Variants in INTS3 observed in about 807,000 individuals in gnomAD.
The protein encoded by INTS3 is SOSS complex subunit A.
INTS3 carries 34 observed loss-of-function variants against 146.3 expected under a neutral mutation model. The observed-to-expected ratio is 0.23, with a 90% CI of 0.18 to 0.31. INTS3 has a LOEUF of 0.31. INTS3 is among the 10% of genes least tolerant of loss of function. The probability of loss-of-function intolerance (pLI) is 1.00; values close to 1 mark genes in which losing one functional copy is unlikely to be tolerated. For missense variants in INTS3, 757 were observed against 1,304.2 expected (o/e 0.58, Z 6.46); for synonymous variants, 475 against 494.9 (o/e 0.96, Z 0.53).
At chr1:153,762,891 G>C in intron 15 of INTS3, 44 bp downstream of exon 15, 1 of 1,608,358 alleles carries the variant, frequency 6.2e-7, no homozygotes. Context: ...TGTCAGCCCT[G>C]AGAGGACCAG....
rs1670941847 is a variant in INTS3 at position 153,728,464 on chromosome 1, G to C, written c.-171G>C. 2 of 750,404 alleles carry C rather than the reference G, an allele frequency of 2.7e-6. No individual in the cohort carries two copies. The highest frequency in any genetic ancestry group is 3.7e-5 in the African/African-American group (2 of 53,946). The allele number at this position is 750,404 out of a possible 1,614,324, so 46.5% of individuals were successfully genotyped here. A position where few individuals can be genotyped will look rare whatever the true frequency, so the allele number is the denominator to read the frequency against. On this transcript the variant is annotated 5_prime_UTR_variant, in exon 1 of 30. Transcript: ENST00000318967. ...AGAGGACTGTGCCTTCGCCCCCAAC[G>C]CAGGCGCGGCCTTTTGGAGAGGAGG... is the stretch of plus-strand genomic sequence containing the variant.
chr1:153,768,804 C>G (rs1464921515), intron 21 of INTS3, 89 bp from the exon 22 acceptor site: 1 of 1,023,198 alleles, frequency 9.8e-7, no homozygotes, highest in Non-Finnish European at 1.5e-6. Context: ...CCCAGTCAAA[C>G]CTTGAGATGT....
intron 1 of INTS3, among the ~76,000 whole-genome samples, chr1:153,733,824 C>T (rs1260708277): frequency 1.3e-5 from 2 of 151,800 alleles, no homozygotes; most frequent in Non-Finnish European, 2.9e-5. Flanking sequence ...AGGCTGCTCT[C>T]GATCTCCTAA....
intron 3 of INTS3, among the ~76,000 whole-genome samples, chr1:153,746,090 CA>C (rs940199146): frequency 2.0e-5 from 3 of 152,066 alleles, no homozygotes; most frequent in African/African-American, 7.2e-5. Context: ...ACTAAAAATT[CA>C]AAAAAATATC....
At chr1:153,762,990 A>G (rs1456851105) in intron 15 of INTS3, 143 bp downstream of exon 15, 1 of 1,164,630 alleles carries the variant, frequency 8.6e-7, no homozygotes, top group African/African-American at 1.5e-5. Context: ...ATGAGACTCC[A>G]GAATGCAGAG....
rs541332000 is a variant in INTS3 at position 153,751,090 on chromosome 1, T to G, written c.585-5T>G. On this transcript the variant is annotated splice_polypyrimidine_tract_variant and splice_region_variant and intron_variant, in intron 6 of 29. Coordinates refer to ENST00000318967, the MANE Select transcript of INTS3 (RefSeq NM_023015.5). ...CATAGGAGCCAGTGTGTTTCCTCCC[T>G]GCAGGGAGTGGGTCCTGAAGAGCAG... 5 of 1,614,064 alleles carry G rather than the reference T, an allele frequency of 3.1e-6. No homozygotes were observed. The highest frequency in any genetic ancestry group is 2.7e-5 in the African/African-American group (2 of 75,056).
rs1672347347 is a variant in INTS3, at chr1:153,760,572, C to T, written c.1317+182C>T. 4 of 630,674 alleles carry T rather than the reference C, an allele frequency of 6.3e-6. No homozygotes were observed. In the South Asian group the frequency reaches 7.8e-5, roughly 12 times the overall value. 39.1% of individuals were successfully genotyped at this position (630,674 alleles called of 1,614,324 possible). A position where few individuals can be genotyped will look rare whatever the true frequency, so the allele number is the denominator to read the frequency against. On this transcript the variant is annotated intron_variant, in intron 12 of 29. Transcript: ENST00000318967. Reference sequence around the variant, plus strand: ...CATATTCCACTGTCTGCACTTGGATCTTCCCATTTTCTGTGGGGTTTCTCA... The same window carrying T: ...CATATTCCACTGTCTGCACTTGGATTTTCCCATTTTCTGTGGGGTTTCTCA...
At chr1:153,760,569 G>T in intron 12 of INTS3, 179 bp downstream of exon 12, 1 of 631,138 alleles carries the variant, frequency 1.6e-6, no homozygotes, top group South Asian at 2.0e-5. Flanking sequence ...TCTGCACTTG[G>T]ATCTTCCCAT....
chr1:153,731,776 A>G (rs1292744288), intron 1 of INTS3, among the ~76,000 whole-genome samples: 2 of 149,996 alleles, frequency 1.3e-5, no homozygotes, highest in Non-Finnish European at 3.0e-5. Context: ...TAGTAGAGAC[A>G]GGGTTTCACC....
At chr1:153,763,020 G>C (rs1672442313) in intron 15 of INTS3, among the ~76,000 whole-genome samples, 173 bp downstream of exon 15, 1 of 152,172 alleles carries the variant, frequency 6.6e-6, no homozygotes. Context: ...TAACACTCAA[G>C]GCAGGAAGGA....
intron 1 of INTS3, among the ~76,000 whole-genome samples, chr1:153,732,738 G>A (rs1343071497): frequency 2.0e-5 from 3 of 151,750 alleles, no homozygotes; most frequent in Non-Finnish European, 2.9e-5. Context: ...GTGAGTCACT[G>A]TGCCTGGCCA....
chr1:153,742,507 T>TGTGTGTGTGTGTGTGTGTGTGTGC (rs1297466558), intron 3 of INTS3, among the ~76,000 whole-genome samples: 5 of 144,834 alleles, frequency 3.5e-5, no homozygotes, highest in African/African-American at 7.5e-5. Flanking sequence ...TGTGTGTGTG[T>TGTGTGTGTGTGTGTGTGTGTGTGC]GCGTGCGCAT....
chr1:153,730,273 C>T (rs375681311), intron 1 of INTS3, among the ~76,000 whole-genome samples: 30 of 152,276 alleles, frequency 2.0e-4, no homozygotes, highest in African/African-American at 7.0e-4. Context: ...CTGTAGTTAT[C>T]AGCTAAGGTA....
At position 153,751,135 on chromosome 1, in the gene INTS3, G is replaced by A. The variant is rs1301742929; in HGVS notation, c.625G>A (p.Val209Ile). Residue 209 changes from valine (V) to isoleucine (I), a missense_variant, in exon 7 of 30, where the codon GTT becomes ATT. This residue lies in a region of INTS3 where 134 missense variants were observed against 243.1 expected (regional missense o/e 0.55). Coordinates refer to ENST00000318967, the MANE Select transcript of INTS3 (RefSeq NM_023015.5). The stretch of plus-strand genomic sequence containing the variant: ...GAGCAGCATCCTCATTGCCATGGCT[G>A]TTTACACGTACCTCCGCCTCATCGT... ...LKSSILIAMA[V>I]YTYLRLIVDH... 1.9e-6 allele frequency: 3 copies of A among 1,614,192 alleles called. No individual in the cohort carries two copies. The highest frequency in any genetic ancestry group is 2.2e-5 in the South Asian group (2 of 91,078).
In INTS3 at chr1:153,757,502, G is replaced by A; in HGVS notation, c.958-70G>A. ...TAGGGCAAACCTAGAGTTAAGTGGTGCTCGTTTTCCTCTGGCCAAGGACCC... is the reference window on the plus strand; with the variant it reads ...TAGGGCAAACCTAGAGTTAAGTGGTACTCGTTTTCCTCTGGCCAAGGACCC... On this transcript the variant is annotated intron_variant, in intron 9 of 29. Transcript: ENST00000318967. The surrounding 1 kb of genome is among the most constrained non-coding windows in gnomAD (Gnocchi z 4.0). The A allele has an allele frequency of 7.3e-7, 1 of 1,368,990 alleles. No individual in the cohort carries two copies. 84.8% of individuals were successfully genotyped at this position (1,368,990 alleles called of 1,614,324 possible).
chr1:153,748,319 T>C, intron 5 of INTS3: 1 of 280,278 alleles, frequency 3.6e-6, no homozygotes, highest in Non-Finnish European at 7.0e-6. Flanking sequence ...AGACTGCAGC[T>C]GTTGTCAGCC....
At chr1:153,763,991 T>A in intron 17 of INTS3, 105 bp downstream of exon 17, 1 of 1,296,754 alleles carries the variant, frequency 7.7e-7, no homozygotes, top group Non-Finnish European at 1.1e-6. Context: ...GATGAGTCCC[T>A]CTTATAGTGG....
intron 11 of INTS3, 112 bp from the exon 12 acceptor site, chr1:153,760,199 C>T (rs1234815409): frequency 5.4e-6 from 4 of 742,818 alleles, no homozygotes; most frequent in Non-Finnish European, 8.5e-6. Flanking sequence ...ACCATTTGCA[C>T]TCCAGCCTGG....
In INTS3 at chr1:153,728,477, T is replaced by G; in HGVS notation, c.-158T>G. 4.6e-6 allele frequency: 4 copies of G among 873,496 alleles called. No homozygotes were observed. Among genetic ancestry groups the G allele is most frequent in the Admixed American group, 2.9e-5 (1 of 34,018 alleles). 54.1% of individuals were successfully genotyped at this position (873,496 alleles called of 1,614,324 possible). A position where few individuals can be genotyped will look rare whatever the true frequency, so the allele number is the denominator to read the frequency against. On this transcript the variant is annotated 5_prime_UTR_variant, in exon 1 of 30. Transcript: ENST00000318967. ...TTCGCCCCCAACGCAGGCGCGGCCT[T>G]TTGGAGAGGAGGGAGGAGTGGAGAG...
Sources: allele counts gnomAD v4.1 joint callset (sites outside exome capture counted in the v4.1 genomes callset), GRCh38; gene constraint gnomAD v4.1.1; regional missense constraint gnomAD v4.1.1; non-coding constraint Gnocchi (gnomAD v3.1); transcripts MANE v1.5; gene names NCBI Gene and HGNC (gene_info 2026-07-23, HGNC 2026-07-21).